The following ZFHX3 variants were observed in gnomAD, a reference collection of about 807,000 sequenced individuals.
The protein encoded by ZFHX3 is zinc finger homeobox 3.
In ZFHX3, 42 loss-of-function variants were observed where a neutral mutation model predicts 279.1. The ratio of observed to expected loss-of-function variants is 0.15; its 90% CI spans 0.12 to 0.19. The LOEUF is 0.19. Among genes scored for constraint, ZFHX3 ranks in the 10% least tolerant of loss-of-function variants. ZFHX3 has a pLI of 1.00. For synonymous variants in ZFHX3, 2,293 were observed against 1,957.8 expected (o/e 1.17, Z -4.52); for missense variants, 4,981 against 4,754.0 (o/e 1.05, Z -1.40).
intron 7 of ZFHX3, among the ~76,000 whole-genome samples, chr16:73,127,883 T>C (rs1966599490): frequency 6.6e-6 from 1 of 152,206 alleles, no homozygotes; most frequent in Non-Finnish European, 1.5e-5. Flanking sequence ...GATGTGAACA[T>C]GTAACTTGTT....
intron 2 of ZFHX3, chr16:73,680,052 T>C (rs1567549681): frequency 6.6e-6 from 1 of 152,322 alleles, no homozygotes; most frequent in East Asian, 1.9e-4. Context: ...TGTGCTACAT[T>C]TTCCAAATCA....
chr16:73,705,883 T>G (rs551131767), intron 1 of ZFHX3, among the ~76,000 whole-genome samples: 4 of 152,290 alleles, frequency 2.6e-5, no homozygotes, highest in African/African-American at 2.4e-5. Context: ...TCCTCTCAAT[T>G]TTTTGCCACA....
At chr16:73,861,091 G>A (rs1961871430) in intron 1 of ZFHX3, among the ~76,000 whole-genome samples, 1 of 151,532 alleles carries the variant, frequency 6.6e-6, no homozygotes, top group Admixed American at 6.6e-5. Context: ...AGCCTCCTGA[G>A]TAGCTGAGAC....
chr16:73,879,126 G>A (rs561778051), intron 1 of ZFHX3, among the ~76,000 whole-genome samples: 1 of 151,636 alleles, frequency 6.6e-6, no homozygotes, highest in East Asian at 1.9e-4. Context: ...ATAATCACCA[G>A]CAGCGAGCGA....
chr16:73,695,364 G>C (rs1033063880), intron 1 of ZFHX3, among the ~76,000 whole-genome samples: 1 of 151,390 alleles, frequency 6.6e-6, no homozygotes, highest in African/African-American at 2.4e-5. Context: ...AGCCTCCCAA[G>C]TAGCTGAGAT....
intron 1 of ZFHX3, among the ~76,000 whole-genome samples, chr16:73,024,006 G>A (rs1433563765): frequency 6.6e-6 from 1 of 152,146 alleles, no homozygotes; most frequent in African/African-American, 2.4e-5. Context: ...TGGAAACAAG[G>A]CACGTGCAGT....
chr16:72,788,715 C>T lies in ZFHX3; in HGVS notation c.9561G>A (p.Thr3187=), dbSNP rs781316015. The T allele has an allele frequency of 4.7e-5, 75 of 1,609,768 alleles. No individual in the cohort carries two copies. The highest frequency in any genetic ancestry group is 3.3e-4 in the Admixed American group (20 of 59,722). ...GGGGTTGCTGAGGGCCCATCGCCAT[C>T]GTGGCTTGTGCTGGGGTTGGGGAGC... is the stretch of plus-strand genomic sequence containing the variant. ...SLSSPTPAQA[T]MAMGPQQPPQ... Residue 3187 remains threonine (T), a synonymous_variant, in exon 10 of 10, where the codon ACG becomes ACA. Coordinates refer to ENST00000268489, the MANE Select transcript of ZFHX3 (RefSeq NM_006885.4).
chr16:73,139,945 T>A lies in ZFHX3; in HGVS notation c.-1024+3807A>T, dbSNP rs13334007. ...TCTCAATCTCTCAGCTCAGTGCTTC[T>A]TCCACAAACCCCTAGTGCTTCACTT... On this transcript the variant is annotated intron_variant, in intron 6 of 17. Transcript: ENST00000641206. Among the ~76,000 whole-genome samples the A allele has an allele frequency of 3.9e-3, 598 of 152,294 alleles. 4 individuals carry two copies. The highest frequency in any genetic ancestry group is 0.014 in the African/African-American group (570 of 41,564).
chr16:73,028,092 T>C (rs1964575592), intron 1 of ZFHX3, among the ~76,000 whole-genome samples: 2 of 151,716 alleles, frequency 1.3e-5, no homozygotes, highest in Admixed American at 1.3e-4. Context: ...CAGGGCAGGA[T>C]AGGACACGGC....
At chr16:73,757,274 C>T (rs1166845641) in intron 1 of ZFHX3, among the ~76,000 whole-genome samples, 1 of 152,120 alleles carries the variant, frequency 6.6e-6, no homozygotes, top group African/African-American at 2.4e-5. Context: ...TGGGGTCCCT[C>T]GTGTCTGTGA....
intron 2 of ZFHX3, among the ~76,000 whole-genome samples, chr16:73,598,607 T>G (rs1010128361): frequency 5.9e-5 from 9 of 151,566 alleles, no homozygotes; most frequent in African/African-American, 2.2e-4. Flanking sequence ...TTTTGTAGAG[T>G]CAGAGTCTCT....
chr16:72,829,610 C>T (rs921380523), intron 5 of ZFHX3, 169 bp downstream of exon 5: 7 of 651,450 alleles, frequency 1.1e-5, no homozygotes, highest in African/African-American at 7.3e-5. Context: ...ATAAAGGTGA[C>T]TGCTCAAAGA....
At chr16:72,822,513 C>T (rs1025690090) in intron 5 of ZFHX3, among the ~76,000 whole-genome samples, 1 of 152,056 alleles carries the variant, frequency 6.6e-6, no homozygotes, top group East Asian at 1.9e-4. Flanking sequence ...TCTAATATCC[C>T]CCATGGAAAG....
rs755600758 is a variant in ZFHX3 at position 73,789,422 on chromosome 16, C to T, written c.-1608+102229G>A. Among the ~76,000 whole-genome samples, 71 of 151,952 alleles carry T rather than the reference C, an allele frequency of 4.7e-4. 1 individual carries two copies. Among genetic ancestry groups the T allele is most frequent in the Admixed American group, 3.3e-4 (5 of 15,270 alleles). ...GTCTCTATTTCCTGACCTCATGATC[C>T]GCCCACCTCAGCTTCCCAAACTGCT... is the stretch of plus-strand genomic sequence containing the variant. On this transcript the variant is annotated intron_variant, in intron 1 of 17. Transcript: ENST00000641206.
rs914064652 is a variant in ZFHX3, at chr16:73,039,002, G to A, written c.-50+8750C>T. On this transcript the variant is annotated intron_variant, in intron 1 of 9. Transcript: ENST00000268489. ...TTTTGTAGAGACAAGGTCTTGCCAT[G>A]TTGCTAAGGCTGGCCTCGAACCCCT... 2.6e-5 allele frequency among the ~76,000 whole-genome samples: 4 copies of A among 151,702 alleles called. No individual in the cohort carries two copies. In the South Asian group the frequency reaches 6.3e-4, roughly 24 times the overall value.
chr16:73,457,392 G>A (rs539274690), intron 2 of ZFHX3, among the ~76,000 whole-genome samples: 11 of 152,312 alleles, frequency 7.2e-5, no homozygotes, highest in African/African-American at 2.4e-4. Flanking sequence ...GAGCTGGAAA[G>A]TTTCCTTCTA....
At chr16:73,833,451 A>G (rs1311231704) in intron 1 of ZFHX3, among the ~76,000 whole-genome samples, 1 of 152,158 alleles carries the variant, frequency 6.6e-6, no homozygotes, top group Non-Finnish European at 1.5e-5. Context: ...CACAGTCTTA[A>G]TCAACTGGGA....
At chr16:73,854,869 G>A (rs997969225) in intron 1 of ZFHX3, among the ~76,000 whole-genome samples, 4 of 151,448 alleles carry the variant, frequency 2.6e-5, no homozygotes, top group East Asian at 1.9e-4. Context: ...GTTGAGCACC[G>A]AGAAAGAACC....
chr16:73,259,247 A>T (rs1199609954), intron 4 of ZFHX3, among the ~76,000 whole-genome samples: 1 of 152,200 alleles, frequency 6.6e-6, no homozygotes, highest in East Asian at 1.9e-4. Context: ...CTTCAACTTT[A>T]TTAGATATTG....
Sources: allele counts gnomAD v4.1 joint callset (sites outside exome capture counted in the v4.1 genomes callset), GRCh38; gene constraint gnomAD v4.1.1; transcripts MANE v1.5; gene names NCBI Gene and HGNC (gene_info 2026-07-23, HGNC 2026-07-21).